Variants in SGSM1 observed in about 807,000 individuals in gnomAD.
SGSM1 encodes small G protein signaling modulator 1.
SGSM1 carries 73 observed loss-of-function variants against 133.8 expected under a neutral mutation model. The ratio of observed to expected loss-of-function variants is 0.55; its 90% CI spans 0.45 to 0.66. SGSM1 has a LOEUF of 0.66. SGSM1 is among the 30% of genes least tolerant of loss of function. SGSM1 has a pLI of 0.00. For missense variants in SGSM1, 1,213 were observed against 1,448.1 expected (o/e 0.84, Z 2.64); for synonymous variants, 563 against 573.0 (o/e 0.98, Z 0.25).
chr22:24,826,696 G>A (rs1258430311), intron 2 of SGSM1, among the ~76,000 whole-genome samples: 2 of 152,158 alleles, frequency 1.3e-5, no homozygotes, highest in African/African-American at 4.8e-5. Context: ...GCAGGTGTGA[G>A]GCCCTGTTTT....
intron 2 of SGSM1, among the ~76,000 whole-genome samples, chr22:24,819,362 T>C (rs1168738229): frequency 6.6e-6 from 1 of 152,208 alleles, no homozygotes; most frequent in Non-Finnish European, 1.5e-5. Flanking sequence ...GTTTGGCTGA[T>C]GATAACGTGG....
intron 15 of SGSM1, 80 bp downstream of exon 15, chr22:24,884,278 A>C (rs900620280): frequency 2.0e-6 from 3 of 1,514,736 alleles, no homozygotes; most frequent in East Asian, 4.6e-5. Context: ...ATAAGCCCAC[A>C]TGCTTGTGGG....
At chr22:24,811,380 ATTCT>A (rs1447895611) in intron 2 of SGSM1, among the ~76,000 whole-genome samples, 3 of 150,530 alleles carry the variant, frequency 2.0e-5, no homozygotes, top group Admixed American at 6.6e-5. Flanking sequence ...TGAACAACTC[ATTCT>A]TACTGCTTTT....
intron 24 of SGSM1, among the ~76,000 whole-genome samples, chr22:24,920,255 G>T (rs1933958926): frequency 6.6e-6 from 1 of 152,188 alleles, no homozygotes; most frequent in Admixed American, 6.5e-5. Flanking sequence ...TCGCTGACCA[G>T]CTGTGCCCAT....
In SGSM1 at chr22:24,924,308, G is replaced by A; in HGVS notation, c.*34G>A. ...TCACCCCGGCAGCCTCAGCCAAGCT[G>A]CCCCTGCCCCGCTCCTCTGCTTACT... On this transcript the variant is annotated 3_prime_UTR_variant, in exon 25 of 25. Coordinates refer to ENST00000400358, the MANE Select transcript of SGSM1 (RefSeq NM_001098497.3). 2 of 1,584,254 alleles carry A rather than the reference G, an allele frequency of 1.3e-6. No homozygotes were observed. Among genetic ancestry groups the A allele is most frequent in the Non-Finnish European group, 8.7e-7 (1 of 1,153,992 alleles).
In SGSM1 at chr22:24,833,385, C is replaced by T. The variant is rs1360623474; in HGVS notation, c.64-11512C>T. ...TTAAGATTTCCACATGTGGGCCAGGCGCGGTGGCTCACACCTGTAATCCCA... is the reference window on the plus strand; with the variant it reads ...TTAAGATTTCCACATGTGGGCCAGGTGCGGTGGCTCACACCTGTAATCCCA... On this transcript the variant is annotated intron_variant, in intron 2 of 24. Transcript: ENST00000400358. 6.6e-5 allele frequency among the ~76,000 whole-genome samples: 10 copies of T among 151,936 alleles called. No homozygotes were observed. The South Asian group carries it at 1.7e-3, about 25-fold the overall frequency.
chr22:24,889,023 G>A (rs1932755973), intron 16 of SGSM1, among the ~76,000 whole-genome samples: 1 of 142,712 alleles, frequency 7.0e-6, no homozygotes, highest in Non-Finnish European at 1.5e-5. Flanking sequence ...GTGCAGTGGT[G>A]CAATCTCGGC....
At position 24,874,656 on chromosome 22, in the gene SGSM1, C is replaced by G. The variant is rs910362168; in HGVS notation, c.1292-1921C>G. On this transcript the variant is annotated intron_variant, in intron 12 of 24. Transcript: ENST00000400358. ...CCATGTTGTCATTTGAGTTCTGGTC[C>G]CAAGGGAGATGGAGGCAGGAAGGGA... is the stretch of plus-strand genomic sequence containing the variant. 12 of 1,469,418 alleles carry G rather than the reference C, an allele frequency of 8.2e-6. No homozygotes were observed. In the South Asian group the frequency reaches 1.7e-4, roughly 21 times the overall value. The allele number at this position is 1,469,418 out of a possible 1,614,324, so 91.0% of individuals were successfully genotyped here.
intron 2 of SGSM1, among the ~76,000 whole-genome samples, chr22:24,840,815 G>A (rs1280636085): frequency 6.6e-6 from 1 of 152,012 alleles, no homozygotes; most frequent in Non-Finnish European, 1.5e-5. Context: ...CCCATATTGT[G>A]TTTTTGTTTT....
rs530593256 is a variant in SGSM1 at position 24,905,558 on chromosome 22, C to T, written c.2818+371C>T. 2.7e-3 allele frequency among the ~76,000 whole-genome samples: 413 copies of T among 152,108 alleles called. 1 individual carries two copies. The highest frequency in any genetic ancestry group is 4.9e-3 in the Non-Finnish European group (334 of 67,964). On this transcript the variant is annotated intron_variant, in intron 21 of 24. Transcript: ENST00000400358. ...ATCCCAGCACTTTGGGAGGCTGAGG[C>T]GGGCGGATCACAAGGTCAGGAGATC... is the stretch of plus-strand genomic sequence containing the variant.
At chr22:24,895,140 C>T in intron 17 of SGSM1, 83 bp from the exon 18 acceptor site, 1 of 1,384,906 alleles carries the variant, frequency 7.2e-7, no homozygotes, top group Non-Finnish European at 1.0e-6. Flanking sequence ...ACTAGACTTT[C>T]TGGCTCCCAG....
At chr22:24,824,956 C>T (rs766227341) in intron 2 of SGSM1, among the ~76,000 whole-genome samples, 7 of 152,156 alleles carry the variant, frequency 4.6e-5, no homozygotes, top group Non-Finnish European at 1.0e-4. Flanking sequence ...GTGCCTGTCT[C>T]GCAGGAGCAC....
rs1932485868 is a variant in SGSM1, at chr22:24,884,218, G to A, written c.1641+20G>A. 1.2e-6 allele frequency: 2 copies of A among 1,603,124 alleles called. No homozygotes were observed. Among genetic ancestry groups the A allele is most frequent in the Non-Finnish European group, 8.5e-7 (1 of 1,172,166 alleles). ...AGCACAGTAAGGCTTAGCTGGGCTT[G>A]GTCTGCAGTGATGCAGAGGCTGCAG... On this transcript the variant is annotated intron_variant, in intron 15 of 24. Transcript: ENST00000400358.
At chr22:24,883,751 G>C (rs748343928) in intron 14 of SGSM1, among the ~76,000 whole-genome samples, 2 of 152,150 alleles carry the variant, frequency 1.3e-5, no homozygotes, top group East Asian at 3.9e-4. Flanking sequence ...GAGTCCAGGA[G>C]TTCGAGGCCA....
At chr22:24,917,782 T>C in intron 23 of SGSM1, 28 bp downstream of exon 23, 1 of 1,585,704 alleles carries the variant, frequency 6.3e-7, no homozygotes, top group South Asian at 1.1e-5. Context: ...GGGACCTGTG[T>C]CCAGACTCTT....
At chr22:24,845,944 T>C (rs1474259884) in intron 3 of SGSM1, among the ~76,000 whole-genome samples, 3 of 29,810 alleles carry the variant, frequency 1.0e-4, no homozygotes, top group Non-Finnish European at 1.5e-4. Flanking sequence ...TCTTTTCTTT[T>C]CTTTCTTTCT....
In SGSM1 at chr22:24,887,107, T is replaced by TTGTGTGTGTGTGTGTGTGTGTGTGTGTG. The variant is rs60431385; in HGVS notation, c.1770+383_1770+410dup. Among the ~76,000 whole-genome samples, 6 of 145,316 alleles carry TTGTGTGTGTGTGTGTGTGTGTGTGTGTG rather than the reference T, an allele frequency of 4.1e-5. No homozygotes were observed. In the South Asian group the frequency reaches 1.4e-3, roughly 33 times the overall value. The stretch of plus-strand genomic sequence containing the variant: ...CTTTCCCAGTTTTACTTGTACTTAT[T>TTGTGTGTGTGTGTGTGTGTGTGTGTGTG]TGTGTGTGTGTGTGTGTGTGTGTGT... On this transcript the variant is annotated intron_variant, in intron 16 of 24. Transcript: ENST00000400358.
chr22:24,913,307 A>AAAG (rs34904071), intron 22 of SGSM1, among the ~76,000 whole-genome samples: 33,357 of 138,798 alleles, frequency 0.24, 5,000 homozygotes, highest in East Asian at 0.49. Flanking sequence ...AAAAAAAAAA[A>AAAG]AAAGAAAGAA....
chr22:24,819,105 C>T (rs1442646211), intron 2 of SGSM1, among the ~76,000 whole-genome samples: 1 of 149,624 alleles, frequency 6.7e-6, no homozygotes, highest in Admixed American at 6.6e-5. Context: ...GAGATTGCAC[C>T]ACTGCACTCC....
Sources: gnomAD v4.1 joint callset for allele counts (sites outside exome capture counted in the v4.1 genomes callset) on GRCh38, gnomAD v4.1.1 for gene constraint, MANE v1.5 for transcripts, NCBI Gene and HGNC (gene_info 2026-07-23, HGNC 2026-07-21) for gene names.